SLC23A1: variants seen among roughly 807,000 people sequenced by gnomAD.
The protein encoded by SLC23A1 is solute carrier family 23 member 1, also known as Na(+)/L-ascorbic acid transporter 1.
Under a neutral mutation model 62.5 loss-of-function variants are expected in SLC23A1, and 31 were observed. That is an observed-to-expected ratio of 0.50 (90% CI 0.37 to 0.67). SLC23A1 has a LOEUF of 0.67. SLC23A1 is among the 30% of genes least tolerant of loss of function. SLC23A1 has a pLI of 0.00. For synonymous variants in SLC23A1, 271 were observed against 313.2 expected (o/e 0.87, Z 1.42); for missense variants, 640 against 782.7 (o/e 0.82, Z 2.18).
At chr5:139,376,645 C>A (rs145134529) in intron 13 of SLC23A1, among the ~76,000 whole-genome samples, 296 of 152,344 alleles carry the variant, frequency 1.9e-3, no homozygotes, top group Middle Eastern at 0.01. Context: ...CACAAAGTAT[C>A]CTCCACGATC....
chr5:139,379,695 A>T lies in SLC23A1; in HGVS notation c.908T>A (p.Ile303Asn), dbSNP rs765751908. The T allele has an allele frequency of 1.9e-6, 3 of 1,613,480 alleles. No individual in the cohort carries two copies. The South Asian group carries it at 3.3e-5, about 18-fold the overall frequency. ...RGDIMAIAPW[I>N]RIPYPCQWGL... is the part of the protein sequence containing the mutation. ...TTGCTCACAGGGGTAGGGGATGCGG[A>T]TCCAGGGTGCAATAGCCATGATGTC... The change falls in exon 8 of 15, where the codon ATC becomes AAC. Residue 303 changes from isoleucine to asparagine, a missense_variant. Physicochemically the swap from Ile to Asn is moderately radical, Grantham distance 149. Coordinates refer to ENST00000348729, the MANE Select transcript of SLC23A1 (RefSeq NM_005847.5). The surrounding 1 kb of genome is among the most constrained non-coding windows in gnomAD (Gnocchi z 4.7).
At position 139,367,649 on chromosome 5, in the gene SLC23A1, T is replaced by C. The variant is rs963789724; in HGVS notation, c.*20-18A>G. 1 of 152,208 alleles carries C rather than the reference T, an allele frequency of 6.6e-6. No individual in the cohort carries two copies. The highest frequency in any genetic ancestry group is 2.4e-5 in the African/African-American group (1 of 41,458). The allele number at this position is 152,208 out of a possible 1,614,324, so 9.4% of individuals were successfully genotyped here. ...CATGCTTCCTGTGGGAATTAGAAGA[T>C]GGCAATTGTAGAAAAACAACTCCAC... On this transcript the variant is annotated intron_variant, in intron 14 of 14. Coordinates refer to ENST00000348729, the MANE Select transcript of SLC23A1 (RefSeq NM_005847.5).
At chr5:139,368,528 CAAA>C (rs920446336) in intron 14 of SLC23A1, among the ~76,000 whole-genome samples, 12 of 151,574 alleles carry the variant, frequency 7.9e-5, no homozygotes, top group Non-Finnish European at 2.9e-5. Context: ...GACTCCGTCA[CAAA>C]AAAAGAAAAG....
At chr5:139,372,804 T>G (rs748189965) in intron 13 of SLC23A1, among the ~76,000 whole-genome samples, 3 of 152,064 alleles carry the variant, frequency 2.0e-5, no homozygotes, top group Non-Finnish European at 4.4e-5. Flanking sequence ...AGGCTGGTCT[T>G]GAACTCCTGA....
intron 13 of SLC23A1, among the ~76,000 whole-genome samples, chr5:139,374,937 GCAGGGGTACCATGTTCAAATAGC>G (rs1312915737): frequency 5.2e-4 from 79 of 152,266 alleles, no homozygotes; most frequent in African/African-American, 1.8e-3. Context: ...CTCTAAATGG[GCAGGGGTACCATGTTCAAATAGC>G]CACCCATCCA....
chr5:139,367,671 C>A (rs1270540489), intron 14 of SLC23A1, 40 bp from the exon 15 acceptor site: 1 of 152,066 alleles, frequency 6.6e-6, no homozygotes, highest in East Asian at 1.9e-4. Flanking sequence ...AAAAACAACT[C>A]CACATTTTTA....
At position 139,376,255 on chromosome 5, in the gene SLC23A1, C is replaced by T. The variant is rs374028189; in HGVS notation, c.1549+1147G>A. On this transcript the variant is annotated intron_variant, in intron 13 of 14. Coordinates refer to ENST00000348729, the MANE Select transcript of SLC23A1 (RefSeq NM_005847.5). ...CACGATCTCGGCCCACCGCAACCTT[C>T]GCCTCCCAGGTTCAAGCAATTCTCC... Among the ~76,000 whole-genome samples, 409 of 151,846 alleles carry T rather than the reference C, an allele frequency of 2.7e-3. 1 individual carries two copies. Among genetic ancestry groups the T allele is most frequent in the African/African-American group, 9.2e-3 (380 of 41,402 alleles).
chr5:139,382,413 T>C, intron 2 of SLC23A1, 79 bp downstream of exon 2: 4 of 782,296 alleles, frequency 5.1e-6, no homozygotes, highest in African/African-American at 1.7e-5. Flanking sequence ...TTACCCAAGA[T>C]ACTCCCTGCT....
At chr5:139,373,872 T>C (rs915088142) in intron 13 of SLC23A1, among the ~76,000 whole-genome samples, 4 of 152,164 alleles carry the variant, frequency 2.6e-5, no homozygotes, top group Non-Finnish European at 5.9e-5. Flanking sequence ...ATGTTTCTGG[T>C]GTCCGATTAC....
chr5:139,382,644 T>C (rs750108235), intron 1 of SLC23A1, 39 bp from the exon 2 acceptor site: 3 of 1,266,824 alleles, frequency 2.4e-6, no homozygotes, highest in Non-Finnish European at 1.2e-6. Context: ...GGTGAAGTGA[T>C]GGGGACAGGC....
At position 139,381,994 on chromosome 5, in the gene SLC23A1, G is replaced by A. The variant is rs369192547; in HGVS notation, c.206C>T (p.Ala69Val). 23 of 1,606,346 alleles carry A rather than the reference G, an allele frequency of 1.4e-5. No individual in the cohort carries two copies. Among genetic ancestry groups the A allele is most frequent in the Non-Finnish European group, 2.0e-5 (23 of 1,176,520 alleles). Residue 69 changes from alanine to valine, a missense_variant, in exon 3 of 15, where the codon GCG becomes GTG. By Grantham distance (64) the Ala-to-Val change is moderately conservative. Transcript: ENST00000348729. ...TIAVPFLLAE[A>V]LCVGHDQHMV... ...GTGCTGGTCGTGGCCCACACACAGC[G>A]CCTCAGCCAGCAGGAAGGGCACGGC...
intron 13 of SLC23A1, among the ~76,000 whole-genome samples, chr5:139,375,190 G>A (rs979397595): frequency 1.3e-5 from 2 of 152,128 alleles, no homozygotes; most frequent in African/African-American, 4.8e-5. Flanking sequence ...ACAAAATGGA[G>A]GCCCATCATC....
chr5:139,382,565 T>C lies in SLC23A1; in HGVS notation c.77A>G (p.Glu26Gly). 6.2e-7 allele frequency: 1 copy of C among 1,613,338 alleles called. No homozygotes were observed. The highest frequency in any genetic ancestry group is 8.5e-7 in the Non-Finnish European group (1 of 1,179,632). The change falls in exon 2 of 15, where the codon GAG (glutamate) becomes GGG (glycine). Residue 26 changes from glutamate to glycine, a missense_variant. Physicochemically the swap from Glu to Gly is moderately conservative, Grantham distance 98 (BLOSUM62 -2). Transcript: ENST00000348729. Reference protein sequence around the residue: ...TRDPSTPLPTEPKFDMLYKIE... With the variant: ...TRDPSTPLPTGPKFDMLYKIE... ...CTTGTACAACATGTCAAACTTAGGCTCTGTGGGTAGCGGGGTCGAGGGGTC... is the reference window on the plus strand; with the variant it reads ...CTTGTACAACATGTCAAACTTAGGCCCTGTGGGTAGCGGGGTCGAGGGGTC...
chr5:139,370,783 A>G (rs77835735), intron 14 of SLC23A1, among the ~76,000 whole-genome samples: 1 of 151,892 alleles, frequency 6.6e-6, no homozygotes, highest in Non-Finnish European at 1.5e-5. Context: ...TGGGAAAAAA[A>G]TTTAAAAAAA....
intron 13 of SLC23A1, among the ~76,000 whole-genome samples, chr5:139,376,017 C>T (rs1757928977): frequency 1.3e-5 from 2 of 151,934 alleles, no homozygotes; most frequent in South Asian, 2.1e-4. Context: ...ACCTGTGCAC[C>T]GGTAGTCCCA....
In SLC23A1 at chr5:139,379,850, G is replaced by A. The variant is rs34494316; in HGVS notation, c.769-16C>T. 2.0e-4 allele frequency: 315 copies of A among 1,614,094 alleles called. 1 individual carries two copies. In the African/African-American group the frequency reaches 3.7e-3, roughly 19 times the overall value. The stretch of plus-strand genomic sequence containing the variant: ...CCAGCATGATCTGAAGGAGGGGGGT[G>A]AGGGGGCACTGAAGGCACTGGAGGT... On this transcript the variant is annotated splice_polypyrimidine_tract_variant and intron_variant, in intron 7 of 14. Coordinates refer to ENST00000348729, the MANE Select transcript of SLC23A1 (RefSeq NM_005847.5). This position sits in a 1 kb window ranked among gnomAD's most constrained non-coding sequence, Gnocchi z 4.7.
At position 139,377,444 on chromosome 5, in the gene SLC23A1, C is replaced by G; in HGVS notation, c.1507G>C (p.Val503Leu). The G allele has an allele frequency of 6.2e-7, 1 of 1,612,384 alleles. No individual in the cohort carries two copies. The highest frequency in any genetic ancestry group is 8.5e-7 in the Non-Finnish European group (1 of 1,178,372). Residue 503 changes from valine (V) to leucine (L), a missense_variant, in exon 13 of 15, where the codon GTG becomes CTG. Transcript: ENST00000348729. ...AGTATGAAAGCAAGGCACCCGCCCA[C>G]AAACATCTCCGTGGTCAGCAGCACA... ...LIVLLTTEMF[V>L]GGCLAFILDN...
intron 14 of SLC23A1, among the ~76,000 whole-genome samples, chr5:139,371,214 T>C (rs1490438260): frequency 6.6e-6 from 1 of 152,226 alleles, no homozygotes; most frequent in Non-Finnish European, 1.5e-5. Context: ...CTCTGGATTA[T>C]GTGAGTAGTT....
At chr5:139,372,728 G>A (rs1314215636) in intron 13 of SLC23A1, among the ~76,000 whole-genome samples, 1 of 152,108 alleles carries the variant, frequency 6.6e-6, no homozygotes, top group Admixed American at 6.6e-5. Flanking sequence ...GGGATTACAG[G>A]CATGCACCAC....
Sources: gnomAD v4.1 joint callset for allele counts (sites outside exome capture counted in the v4.1 genomes callset) on GRCh38, gnomAD v4.1.1 for gene constraint, Gnocchi (gnomAD v3.1) non-coding constraint, MANE v1.5 for transcripts, NCBI Gene and HGNC (gene_info 2026-07-23, HGNC 2026-07-21) for gene names.